CA12: variants seen among roughly 807,000 people sequenced by gnomAD.
The protein encoded by CA12 is carbonate dehydratase XII.
CA12 carries 36 observed loss-of-function variants against 46.8 expected under a neutral mutation model. The ratio of observed to expected loss-of-function variants is 0.77; its 90% CI spans 0.59 to 1.02. CA12 has a LOEUF of 1.02. Ranked by LOEUF, CA12 falls within the 50% of genes least tolerant of loss-of-function variation. The pLI is 0.00. For missense variants in CA12, 436 were observed against 451.4 expected, an observed-to-expected ratio of 0.97 and a Z score of 0.31; for synonymous variants, 202 against 187.0, an observed-to-expected ratio of 1.08 and a Z score of -0.65.
At position 63,321,593 on chromosome 15, in the gene CA12, GC is replaced by G. The variant is rs2038791231; in HGVS notation, c.*4691del. On this transcript the variant is annotated 3_prime_UTR_variant, in exon 11 of 11. Coordinates refer to ENST00000178638, the MANE Select transcript of CA12 (RefSeq NM_001218.5). This position sits in a 1 kb window ranked among gnomAD's most constrained non-coding sequence, Gnocchi z 4.5. Reference sequence around the variant, plus strand: ...GGGGCGGTCTCCAGTGTGGATGGCAGCCCGGCTGGAACGCACTGGCAGGTGG... The same window carrying G: ...GGGGCGGTCTCCAGTGTGGATGGCAGCCGGCTGGAACGCACTGGCAGGTGG... 6.6e-6 allele frequency: 1 copy of G among 152,236 alleles called. No individual in the cohort carries two copies. The highest frequency in any genetic ancestry group is 1.5e-5 in the Non-Finnish European group (1 of 68,038). The allele number at this position is 152,236 out of a possible 1,614,324, so 9.4% of individuals were successfully genotyped here.
rs1401439332 is a variant in CA12, at chr15:63,325,338, C to T, written c.*947G>A. 1 of 152,122 alleles carries T rather than the reference C, an allele frequency of 6.6e-6. No homozygotes were observed. Among genetic ancestry groups the T allele is most frequent in the Non-Finnish European group, 1.5e-5 (1 of 68,030 alleles). 9.4% of individuals were successfully genotyped at this position (152,122 alleles called of 1,614,324 possible). A position where few individuals can be genotyped will look rare whatever the true frequency, so the allele number is the denominator to read the frequency against. Reference sequence around the variant, plus strand: ...GATTCAAAGGCAGATTGGGTCATCTCGGAACTCATGTCTCCTCCAGGACAC... The same window carrying T: ...GATTCAAAGGCAGATTGGGTCATCTTGGAACTCATGTCTCCTCCAGGACAC... On this transcript the variant is annotated 3_prime_UTR_variant, in exon 11 of 11. Coordinates refer to ENST00000178638, the MANE Select transcript of CA12 (RefSeq NM_001218.5). This position sits in a 1 kb window ranked among gnomAD's most constrained non-coding sequence, Gnocchi z 4.9.
intron 3 of CA12, among the ~76,000 whole-genome samples, chr15:63,346,051 C>T (rs549168432): frequency 7.6e-4 from 115 of 152,310 alleles, no homozygotes; most frequent in Non-Finnish European, 1.4e-3. Flanking sequence ...ACATAATCTC[C>T]AGTCTTCACG....
In CA12 at chr15:63,327,061, C is replaced by T; in HGVS notation, c.992+88G>A. The T allele has an allele frequency of 8.1e-7, 1 of 1,237,648 alleles. No homozygotes were observed. Among genetic ancestry groups the T allele is most frequent in the Non-Finnish European group, 1.2e-6 (1 of 844,926 alleles). 76.7% of individuals were successfully genotyped at this position (1,237,648 alleles called of 1,614,324 possible). On this transcript the variant is annotated intron_variant, in intron 10 of 10. Coordinates refer to ENST00000178638, the MANE Select transcript of CA12 (RefSeq NM_001218.5). The surrounding 1 kb of genome is among the most constrained non-coding windows in gnomAD (Gnocchi z 4.5). ...AGTGGTGGTCCAGGTGACTGCGGCTCTTCATGCCACAAAGCTGCCTTCCCA... is the reference window on the plus strand; with the variant it reads ...AGTGGTGGTCCAGGTGACTGCGGCTTTTCATGCCACAAAGCTGCCTTCCCA...
Position 63,330,961 on chromosome 15 carries a change from C to T in CA12, c.875-2831G>A, listed in dbSNP as rs1212184712. The stretch of plus-strand genomic sequence containing the variant: ...ATACTTTTCAGCCAAGACTTTGATA[C>T]AGCAAAAACGAAGCAGCTTGACTGA... On this transcript the variant is annotated intron_variant, in intron 8 of 10. Coordinates refer to ENST00000178638, the MANE Select transcript of CA12 (RefSeq NM_001218.5). This position sits in a 1 kb window ranked among gnomAD's most constrained non-coding sequence, Gnocchi z 4.0. Among the ~76,000 whole-genome samples the T allele has an allele frequency of 6.6e-6, 1 of 152,234 alleles. No homozygotes were observed. Among genetic ancestry groups the T allele is most frequent in the Non-Finnish European group, 1.5e-5 (1 of 68,046 alleles).
intron 2 of CA12, 122 bp from the exon 3 acceptor site, chr15:63,346,831 A>G: frequency 8.8e-7 from 1 of 1,131,352 alleles, no homozygotes. Flanking sequence ...CCGGAGGTAA[A>G]TCTTCAAGGC....
chr15:63,333,562 C>T (rs1178237692), intron 8 of CA12, among the ~76,000 whole-genome samples: 1 of 152,108 alleles, frequency 6.6e-6, no homozygotes, highest in African/African-American at 2.4e-5. Context: ...TTGGGAGAAT[C>T]GATGATATTC....
rs2038919960 is a variant in CA12, at chr15:63,330,274, C to G, written c.875-2144G>C. Among the ~76,000 whole-genome samples the G allele has an allele frequency of 6.6e-6, 1 of 152,212 alleles. No homozygotes were observed. Among genetic ancestry groups the G allele is most frequent in the South Asian group, 2.1e-4 (1 of 4,828 alleles). ...CTCTGTTTCCTGCAGGGCCTGTGGC[C>G]TCTGCACAGTGGAACTTGGTATTAG... is the stretch of plus-strand genomic sequence containing the variant. On this transcript the variant is annotated intron_variant, in intron 8 of 10. Transcript: ENST00000178638. The surrounding 1 kb of genome is among the most constrained non-coding windows in gnomAD (Gnocchi z 4.0).
In CA12 at chr15:63,340,406, A is replaced by T. The variant is rs751392564; in HGVS notation, c.629T>A (p.Leu210Gln). Residue 210 changes from leucine to glutamine, a missense_variant, in exon 7 of 11, where the codon CTG (leucine) becomes CAG (glutamine). Physicochemically the swap from Leu to Gln is moderately radical, Grantham distance 113. Coordinates refer to ENST00000178638, the MANE Select transcript of CA12 (RefSeq NM_001218.5). The surrounding 1 kb of genome is among the most constrained non-coding windows in gnomAD (Gnocchi z 4.4). ...AFVPGFNIEE[L>Q]LPERTAEYYR... ...ATATTCAGCGGTCCTCTCCGGAAGC[A>T]GCTCTTCAATGTTGAATCCCGGGAC... 1 of 1,614,176 alleles carries T rather than the reference A, an allele frequency of 6.2e-7. No homozygotes were observed. The highest frequency in any genetic ancestry group is 1.1e-5 in the South Asian group (1 of 91,078).
At chr15:63,337,175 T>A (rs1024166593) in intron 8 of CA12, among the ~76,000 whole-genome samples, 1 of 152,156 alleles carries the variant, frequency 6.6e-6, no homozygotes, top group Non-Finnish European at 1.5e-5. Flanking sequence ...AAGAGGGAAA[T>A]GATCTTAATT....
rs182000866 is a variant in CA12, at chr15:63,327,524, C to A, written c.908-291G>T. Among the ~76,000 whole-genome samples the A allele has an allele frequency of 1.3e-5, 2 of 148,768 alleles. No individual in the cohort carries two copies. Among genetic ancestry groups the A allele is most frequent in the Non-Finnish European group, 3.0e-5 (2 of 67,380 alleles). ...GGTTTTTTTTTTTTTTTTAGCCCAACCCCCAGAGATTCAAAGTCAATCTGT... is the reference window on the plus strand; with the variant it reads ...GGTTTTTTTTTTTTTTTTAGCCCAAACCCCAGAGATTCAAAGTCAATCTGT... On this transcript the variant is annotated intron_variant, in intron 9 of 10. Transcript: ENST00000178638. The surrounding 1 kb of genome is among the most constrained non-coding windows in gnomAD (Gnocchi z 4.5).
intron 4 of CA12, among the ~76,000 whole-genome samples, chr15:63,342,773 C>T (rs2039098687): frequency 6.6e-6 from 1 of 152,162 alleles, no homozygotes; most frequent in South Asian, 2.1e-4. Context: ...TTTTGGTTTA[C>T]ACAACCCATG....
intron 2 of CA12, among the ~76,000 whole-genome samples, chr15:63,357,737 C>T (rs1180126601): frequency 6.6e-6 from 1 of 152,038 alleles, no homozygotes. Context: ...AGTATATTCA[C>T]GATGTTGTGC....
chr15:63,336,916 A>T (rs1162336647), intron 8 of CA12, among the ~76,000 whole-genome samples: 2 of 152,162 alleles, frequency 1.3e-5, no homozygotes, highest in Non-Finnish European at 1.5e-5. Flanking sequence ...ATGTGGGCAA[A>T]GTTCCTAATC....
intron 2 of CA12, among the ~76,000 whole-genome samples, chr15:63,370,958 T>C (rs908887825): frequency 6.6e-6 from 1 of 152,116 alleles, no homozygotes; most frequent in Non-Finnish European, 1.5e-5. Context: ...GGTCTATTAA[T>C]TGCAGGTGCT....
At chr15:63,334,028 T>C (rs1595776013) in intron 8 of CA12, among the ~76,000 whole-genome samples, 2 of 151,824 alleles carry the variant, frequency 1.3e-5, no homozygotes, top group African/African-American at 4.8e-5. Context: ...TAGGAGGAGG[T>C]GAACTCAAAG....
rs988647651 is a variant in CA12, at chr15:63,322,393, G to A, written c.*3892C>T. ...TATCTAAAATTAAATTTAAATTAAT[G>A]TCACTGGTTTTTTTTTTTTTACCTT... On this transcript the variant is annotated 3_prime_UTR_variant, in exon 11 of 11. Coordinates refer to ENST00000178638, the MANE Select transcript of CA12 (RefSeq NM_001218.5). This position sits in a 1 kb window ranked among gnomAD's most constrained non-coding sequence, Gnocchi z 4.1. 2 of 150,212 alleles carry A rather than the reference G, an allele frequency of 1.3e-5. No homozygotes were observed. The highest frequency in any genetic ancestry group is 2.9e-5 in the Non-Finnish European group (2 of 67,802). 9.3% of individuals were successfully genotyped at this position (150,212 alleles called of 1,614,324 possible).
rs2039150771 is a variant in CA12, at chr15:63,346,537, G to A, written c.279C>T (p.Gly93=). The part of the protein sequence containing the change: ...ANKQFLLTNN[G]HSVKLNLPSD... ...CCAAGGCCTCTCCCTCACCTGAATG[G>A]CCATTGTTGGTCAGGAGAAACTGCT... The change falls in exon 3 of 11, where the codon GGC becomes GGT. Residue 93 remains glycine (G), a synonymous_variant. Transcript: ENST00000178638. The A allele has an allele frequency of 1.2e-6, 2 of 1,614,048 alleles. No homozygotes were observed. Among genetic ancestry groups the A allele is most frequent in the Middle Eastern group, 1.7e-4 (1 of 6,060 alleles).
intron 1 of CA12, among the ~76,000 whole-genome samples, chr15:63,376,313 C>T (rs2039569635): frequency 6.6e-6 from 1 of 152,148 alleles, no homozygotes; most frequent in African/African-American, 2.4e-5. Flanking sequence ...AACCCAAAAG[C>T]CATCAAATGG....
intron 2 of CA12, among the ~76,000 whole-genome samples, chr15:63,363,962 C>T (rs1024979064): frequency 5.3e-5 from 8 of 151,308 alleles, no homozygotes; most frequent in East Asian, 2.0e-4. Flanking sequence ...CCGAGGAGGG[C>T]GGATCACCTG....
Sources: allele counts gnomAD v4.1 joint callset (sites outside exome capture counted in the v4.1 genomes callset), GRCh38; gene constraint gnomAD v4.1.1; non-coding constraint Gnocchi (gnomAD v3.1); transcripts MANE v1.5; gene names NCBI Gene and HGNC (gene_info 2026-07-23, HGNC 2026-07-21).